Variants in NLGN3 observed in about 807,000 individuals in gnomAD.
NLGN3 encodes the protein neuroligin-3.
A neutral mutation model predicts 42.9 loss-of-function variants in NLGN3; 11 were observed. The observed-to-expected ratio is 0.26, with a 90% CI of 0.16 to 0.42. NLGN3 has a LOEUF of 0.42. Ranked by LOEUF, NLGN3 falls within the 10% of genes least tolerant of loss-of-function variation. The pLI is 1.00. For synonymous variants in NLGN3, 279 were observed against 312.7 expected (o/e 0.89, Z 1.14); for missense variants, 374 against 733.8 (o/e 0.51, Z 5.67).
intron 3 of NLGN3, among the ~76,000 whole-genome samples, chrX:71,150,881 T>C (rs1318625941): frequency 9.0e-6 from 1 of 110,884 alleles, no homozygotes; most frequent in Admixed American, 9.6e-5. Context: ...ACATGCACAT[T>C]TACCAATCGT....
chrX:71,170,226 C>G lies in NLGN3; in HGVS notation c.*129C>G. 8.7e-7 allele frequency: 1 copy of G among 1,153,500 alleles called. No homozygotes were observed. Among genetic ancestry groups the G allele is most frequent in the Non-Finnish European group, 1.1e-6 (1 of 871,519 alleles). On this transcript the variant is annotated 3_prime_UTR_variant, in exon 8 of 8. Transcript: ENST00000358741. ...ATATATGTATACGCACGCACCCACA[C>G]CCTACAGCAGATCCACCTGCACAAA...
chrX:71,148,196 G>A lies in NLGN3; in HGVS notation c.447G>A (p.Pro149=), dbSNP rs762320555. The A allele has an allele frequency of 2.4e-5, 29 of 1,208,298 alleles. 2 individuals are homozygous for A. Among genetic ancestry groups the A allele is most frequent in the Middle Eastern group, 4.6e-4 (2 of 4,346 alleles). Residue 149 remains proline (P), a synonymous_variant, in exon 2 of 8, where the codon CCG becomes CCA. Transcript: ENST00000358741. The stretch of plus-strand genomic sequence containing the variant: ...GTCTCTACCTGAACGTCTATGTGCC[G>A]ACGGAGGATGGTGAGTGCTGCGGCC... ...EDCLYLNVYV[P]TEDVKRISKE...
chrX:71,170,273 A>C lies in NLGN3; in HGVS notation c.*176A>C. The C allele has an allele frequency of 8.9e-7, 1 of 1,121,230 alleles. No homozygotes were observed. The highest frequency in any genetic ancestry group is 1.2e-6 in the Non-Finnish European group (1 of 854,444). 92.4% of individuals were successfully genotyped at this position (1,121,230 alleles called of 1,213,427 possible). A position where few individuals can be genotyped will look rare whatever the true frequency, so the allele number is the denominator to read the frequency against. On this transcript the variant is annotated 3_prime_UTR_variant, in exon 8 of 8. Coordinates refer to ENST00000358741, the MANE Select transcript of NLGN3 (RefSeq NM_181303.2). The stretch of plus-strand genomic sequence containing the variant: ...CAAACATAGACAGATGTGGACATGC[A>C]CCCGCATGTACAAAAACACAAATAC...
downstream of NLGN3, among the ~76,000 whole-genome samples, chrX:71,171,436 G>A (rs2092471115): frequency 9.1e-6 from 1 of 109,992 alleles, no homozygotes; most frequent in Admixed American, 9.7e-5. Flanking sequence ...CCCCCAGCGC[G>A]CTGGGTTCCT....
intron 5 of NLGN3, among the ~76,000 whole-genome samples, chrX:71,156,754 C>A (rs1171335263): frequency 9.0e-6 from 1 of 111,093 alleles, no homozygotes; most frequent in East Asian, 2.8e-4. Flanking sequence ...CTAAGCATGT[C>A]CCCTGCACAC....
At chrX:71,153,388 G>A in intron 3 of NLGN3, 89 bp from the exon 4 acceptor site, 2 of 968,529 alleles carry the variant, frequency 2.1e-6, no homozygotes. Flanking sequence ...TGGCTTGCTG[G>A]GCCACACTGC....
Position 71,170,639 on chromosome X carries a change from G to T in NLGN3, c.*542G>T. ...GAGTGCTAAGAGCCTCTGGAAGGGAGGGCTTCAGGCCCGAAGGTCTCTCTG... is the reference window on the plus strand; with the variant it reads ...GAGTGCTAAGAGCCTCTGGAAGGGATGGCTTCAGGCCCGAAGGTCTCTCTG... On this transcript the variant is annotated 3_prime_UTR_variant, in exon 8 of 8. Coordinates refer to ENST00000358741, the MANE Select transcript of NLGN3 (RefSeq NM_181303.2). The T allele has an allele frequency of 1.3e-6, 1 of 773,247 alleles. No homozygotes were observed. The highest frequency in any genetic ancestry group is 1.5e-6 in the Non-Finnish European group (1 of 650,240). The allele number at this position is 773,247 out of a possible 1,213,427, so 63.7% of individuals were successfully genotyped here.
chrX:71,158,416 C>T (rs2092417591), intron 5 of NLGN3, among the ~76,000 whole-genome samples: 1 of 111,986 alleles, frequency 8.9e-6, no homozygotes, highest in African/African-American at 3.2e-5. Flanking sequence ...GGAATGAACG[C>T]GCAAATGTGA....
intron 3 of NLGN3, among the ~76,000 whole-genome samples, chrX:71,150,437 C>G (rs1456278537): frequency 9.0e-6 from 1 of 111,159 alleles, no homozygotes; most frequent in African/African-American, 3.3e-5. Flanking sequence ...CGTGGTGGCT[C>G]ACGCCTGTAA....
intron 5 of NLGN3, among the ~76,000 whole-genome samples, chrX:71,161,420 T>C (rs1001806821): frequency 9.2e-6 from 1 of 109,216 alleles, no homozygotes; most frequent in Non-Finnish European, 1.9e-5. Context: ...GGCCTGGAGA[T>C]AGCATTTCAA....
Position 71,167,806 on chromosome X carries a change from G to C in NLGN3, c.1703+6G>C. The C allele has an allele frequency of 8.3e-7, 1 of 1,203,925 alleles. No homozygotes were observed. The highest frequency in any genetic ancestry group is 1.1e-6 in the Non-Finnish European group (1 of 888,847). The stretch of plus-strand genomic sequence containing the variant: ...ACCAACTTTGCCAAGACTGGGTAAG[G>C]AGAAAATAGGGTTTTTTTCCTCTTT... On this transcript the variant is annotated splice_donor_region_variant and intron_variant, in intron 7 of 7. Coordinates refer to ENST00000358741, the MANE Select transcript of NLGN3 (RefSeq NM_181303.2).
downstream of NLGN3, chrX:71,171,782 T>G (rs2092471744): frequency 2.8e-6 from 1 of 355,478 alleles, no homozygotes; most frequent in Non-Finnish European, 3.6e-6. Flanking sequence ...CTGGGAGCGA[T>G]TTTTCTACAG....
At chrX:71,163,014 AG>A (rs2092435343) in intron 5 of NLGN3, among the ~76,000 whole-genome samples, 1 of 111,867 alleles carries the variant, frequency 8.9e-6, no homozygotes, top group South Asian at 3.8e-4. Flanking sequence ...CCAAGGATTC[AG>A]GGAAGAGAGA....
chrX:71,151,492 C>CGGA (rs2147871613), intron 3 of NLGN3, among the ~76,000 whole-genome samples: 1 of 111,284 alleles, frequency 9.0e-6, no homozygotes, highest in East Asian at 2.8e-4. Flanking sequence ...GACCCATCCT[C>CGGA]GGAGGTCGTT....
intron 6 of NLGN3, among the ~76,000 whole-genome samples, chrX:71,165,412 C>T (rs894638152): frequency 4.5e-5 from 5 of 112,020 alleles, no homozygotes; most frequent in Admixed American, 1.9e-4. Flanking sequence ...CCTGAAAAGA[C>T]GTTCTGTGCC....
At chrX:71,155,412 G>C in intron 5 of NLGN3, 49 bp downstream of exon 5, 1 of 1,184,914 alleles carries the variant, frequency 8.4e-7, no homozygotes, top group Non-Finnish European at 1.1e-6. Context: ...TTCGCAAGGG[G>C]GGAGGAAAGA....
chrX:71,145,159 C>T (rs890850575), intron 1 of NLGN3, among the ~76,000 whole-genome samples, 195 bp downstream of exon 1: 7 of 106,604 alleles, frequency 6.6e-5, no homozygotes, highest in Non-Finnish European at 1.2e-4. Context: ...CCCTAAATCC[C>T]GCATCCCTAA....
Position 71,170,166 on chromosome X carries a change from C to T in NLGN3, c.*69C>T, listed in dbSNP as rs1378826804. 2 of 1,193,165 alleles carry T rather than the reference C, an allele frequency of 1.7e-6. No individual in the cohort carries two copies. The highest frequency in any genetic ancestry group is 6.0e-5 in the East Asian group (2 of 33,607). The stretch of plus-strand genomic sequence containing the variant: ...AGATCCAGGAACACATGCACACACA[C>T]ACACACACACACGCAGACACACACA... On this transcript the variant is annotated 3_prime_UTR_variant, in exon 8 of 8. Transcript: ENST00000358741.
downstream of NLGN3, among the ~76,000 whole-genome samples, chrX:71,172,340 C>T (rs1047865205): frequency 9.0e-6 from 1 of 111,144 alleles, no homozygotes; most frequent in African/African-American, 3.3e-5. Flanking sequence ...AGAAGTCACC[C>T]GAGAGTCATC....
Sources: gnomAD v4.1 joint callset for allele counts (sites outside exome capture counted in the v4.1 genomes callset) on GRCh38, gnomAD v4.1.1 for gene constraint, MANE v1.5 for transcripts, NCBI Gene and HGNC (gene_info 2026-07-23, HGNC 2026-07-21) for gene names.